The following TRIM6 variants were observed in gnomAD, a reference collection of about 807,000 sequenced individuals.
TRIM6 encodes the protein tripartite motif containing 6.
Under a neutral mutation model 51.2 loss-of-function variants are expected in TRIM6, and 43 were observed. The observed-to-expected ratio is 0.84, with a 90% confidence interval of 0.66 to 1.08. TRIM6 has a LOEUF of 1.08. TRIM6 is among the 50% of genes least tolerant of loss of function. The pLI is 0.00. For missense variants in TRIM6, 669 were observed against 619.0 expected, an observed-to-expected ratio of 1.08 and a Z score of -0.86; for synonymous variants, 215 against 232.4, an observed-to-expected ratio of 0.93 and a Z score of 0.68.
rs770939004 is a variant in TRIM6 at position 5,611,032 on chromosome 11, C to T, written c.1241C>T (p.Ala414Val). Reference protein sequence around the residue: ...LGPTFSFNHFAQNHSAYSRYQ... With the variant: ...LGPTFSFNHFVQNHSAYSRYQ... ...CCTACATTCTCTTTCAACCATTTTG[C>T]TCAAAATCACAGTGCTTACTCCAGG... The change falls in exon 8 of 8, where the codon GCT (alanine) becomes GTT (valine). Residue 414 changes from alanine (A) to valine (V), a missense_variant. By Grantham distance (64) the Ala-to-Val change is moderately conservative. Coordinates refer to ENST00000380097, the MANE Select transcript of TRIM6 (RefSeq NM_001003818.3). The T allele has an allele frequency of 8.4e-5, 135 of 1,614,074 alleles. No homozygotes were observed. The highest frequency in any genetic ancestry group is 1.1e-4 in the Non-Finnish European group (130 of 1,180,048).
intron 5 of TRIM6, among the ~76,000 whole-genome samples, 162 bp downstream of exon 5, chr11:5,608,556 T>G (rs1252849874): frequency 2.0e-5 from 3 of 152,068 alleles, no homozygotes; most frequent in Non-Finnish European, 2.9e-5. Flanking sequence ...ATAAAGGGGA[T>G]GAACTGGCCT....
At chr11:5,609,181 A>T (rs930243625) in intron 5 of TRIM6, among the ~76,000 whole-genome samples, 1 of 152,084 alleles carries the variant, frequency 6.6e-6, no homozygotes, top group Non-Finnish European at 1.5e-5. Flanking sequence ...TGACATGTCA[A>T]GCTGCTTGCA....
rs745366787 is a variant in TRIM6, at chr11:5,603,610, C to A, written c.382C>A (p.His128Asn). The part of the protein sequence containing the change: ...KQLKAVLCAD[H>N]GEKLQLFCQE... ...GCTGAAAGCAGTTCTTTGTGCAGAC[C>A]ATGGAGAAAAACTGCAGCTCTTCTG... is the stretch of plus-strand genomic sequence containing the variant. The change falls in exon 2 of 8, where the codon CAT (histidine) becomes AAT (asparagine). Residue 128 changes from histidine (H) to asparagine (N), a missense_variant. By Grantham distance (68) the His-to-Asn change is moderately conservative. Coordinates refer to ENST00000380097, the MANE Select transcript of TRIM6 (RefSeq NM_001003818.3). The A allele has an allele frequency of 1.9e-6, 3 of 1,613,498 alleles. No homozygotes were observed.
In TRIM6 at chr11:5,610,211, C is replaced by A; in HGVS notation, c.924C>A (p.Ala308=). The change falls in exon 6 of 8, where the codon GCC becomes GCA. Residue 308 remains alanine (A), a synonymous_variant. Coordinates refer to ENST00000380097, the MANE Select transcript of TRIM6 (RefSeq NM_001003818.3). ...LPTKLRSMFR[A]PDLKRMLRVC... ...CAAAGCTGAGAAGTATGTTCCGAGC[C>A]CCAGATCTGAAAAGGATGCTGCGAG... is the stretch of plus-strand genomic sequence containing the variant. 6.2e-7 allele frequency: 1 copy of A among 1,613,962 alleles called. No individual in the cohort carries two copies. Among genetic ancestry groups the A allele is most frequent in the South Asian group, 1.1e-5 (1 of 91,074 alleles).
chr11:5,609,954 T>G (rs868812571), intron 5 of TRIM6, among the ~76,000 whole-genome samples, 191 bp from the exon 6 acceptor site: 1 of 152,122 alleles, frequency 6.6e-6, no homozygotes, highest in Non-Finnish European at 1.5e-5. Context: ...CACAAGTTTA[T>G]GTAGATGGTG....
chr11:5,609,197 G>C (rs1461030716), intron 5 of TRIM6, among the ~76,000 whole-genome samples: 2 of 152,012 alleles, frequency 1.3e-5, no homozygotes, highest in South Asian at 4.1e-4. Flanking sequence ...TTGCACACTT[G>C]GTTCCTCCAT....
chr11:5,603,142 T>C (rs752511186), intron 1 of TRIM6, 104 bp from the exon 2 acceptor site: 33 of 1,507,430 alleles, frequency 2.2e-5, no homozygotes, highest in Non-Finnish European at 2.9e-5. Flanking sequence ...AAGCCCTTGT[T>C]ACCCCAGGTG....
Position 5,608,357 on chromosome 11 carries a change from C to CT in TRIM6, c.835-10dup. On this transcript the variant is annotated splice_polypyrimidine_tract_variant and intron_variant, in intron 4 of 7. Transcript: ENST00000380097. ...CCTGTTACTCCTTGACTTAACCTGTCTTTTTCCTTCCTAGGATGTGAGTGA... is the reference window on the plus strand; with the variant it reads ...CCTGTTACTCCTTGACTTAACCTGTCTTTTTTCCTTCCTAGGATGTGAGTGA... 6.2e-7 allele frequency: 1 copy of CT among 1,613,288 alleles called. No individual in the cohort carries two copies. The highest frequency in any genetic ancestry group is 1.1e-5 in the South Asian group (1 of 91,008).
chr11:5,599,904 C>G (rs575369091), intron 1 of TRIM6, among the ~76,000 whole-genome samples: 25 of 152,184 alleles, frequency 1.6e-4, no homozygotes, highest in Non-Finnish European at 3.7e-4. Flanking sequence ...TCTATTGCCT[C>G]TAGAGCCTCT....
intron 1 of TRIM6, among the ~76,000 whole-genome samples, chr11:5,602,325 C>T (rs1043480395): frequency 6.6e-6 from 1 of 152,066 alleles, no homozygotes; most frequent in African/African-American, 2.4e-5. Context: ...CACCTGTAAT[C>T]CCAGCTACTC....
chr11:5,601,876 G>C (rs1847879087), intron 1 of TRIM6, among the ~76,000 whole-genome samples: 1 of 152,142 alleles, frequency 6.6e-6, no homozygotes, highest in African/African-American at 2.4e-5. Context: ...TTAAGAAGTG[G>C]AAGTGTTTTC....
At position 5,602,323 on chromosome 11, in the gene TRIM6, A is replaced by G. The variant is rs995786067; in HGVS notation, c.18-923A>G. Among the ~76,000 whole-genome samples the G allele has an allele frequency of 2.5e-4, 38 of 152,130 alleles. No individual in the cohort carries two copies. In the East Asian group the frequency reaches 6.6e-3, roughly 26 times the overall value. On this transcript the variant is annotated intron_variant, in intron 1 of 7. Coordinates refer to ENST00000380097, the MANE Select transcript of TRIM6 (RefSeq NM_001003818.3). ...CCGGACATAGTGGCAGGCACCTGTA[A>G]TCCCAGCTACTCGGGAGGCTGAGGC...
At chr11:5,609,768 AG>A (rs1163276746) in intron 5 of TRIM6, among the ~76,000 whole-genome samples, 1 of 152,064 alleles carries the variant, frequency 6.6e-6, no homozygotes, top group Non-Finnish European at 1.5e-5. Flanking sequence ...TAAATATACA[AG>A]AAAATTAGCC....
chr11:5,611,002 T>G lies in TRIM6; in HGVS notation c.1211T>G (p.Leu404Arg). The change falls in exon 8 of 8, where the codon CTG (leucine) becomes CGG (arginine). Residue 404 changes from leucine to arginine, a missense_variant. Leu to Arg is a moderately radical substitution (Grantham distance 102). Coordinates refer to ENST00000380097, the MANE Select transcript of TRIM6 (RefSeq NM_001003818.3). Reference sequence around the variant, plus strand: ...ATCCTGGGGGTATGCAGCAATTCACTGGGACCTACATTCTCTTTCAACCAT... The same window carrying G: ...ATCCTGGGGGTATGCAGCAATTCACGGGGACCTACATTCTCTTTCAACCAT... ...AWILGVCSNS[L>R]GPTFSFNHFA... 1 of 1,614,170 alleles carries G rather than the reference T, an allele frequency of 6.2e-7. No individual in the cohort carries two copies. Among genetic ancestry groups the G allele is most frequent in the Non-Finnish European group, 8.5e-7 (1 of 1,180,040 alleles).
chr11:5,610,681 T>A (rs1188926138), intron 7 of TRIM6, 96 bp from the exon 8 acceptor site: 2 of 1,569,376 alleles, frequency 1.3e-6, no homozygotes, highest in Non-Finnish European at 1.7e-6. Flanking sequence ...GCCATATAGT[T>A]CCAGTTCCTC....
Position 5,596,749 on chromosome 11 carries a change from G to T in TRIM6, c.-149G>T. On this transcript the variant is annotated 5_prime_UTR_variant, in exon 1 of 8. Coordinates refer to ENST00000380097, the MANE Select transcript of TRIM6 (RefSeq NM_001003818.3). ...CCTGCCTTTCTCGGAACGGAACGGA[G>T]CAGAGTCGTGCGTGGTTGAGTTTAG... The T allele has an allele frequency of 8.1e-7, 1 of 1,241,244 alleles. No individual in the cohort carries two copies. Among genetic ancestry groups the T allele is most frequent in the Non-Finnish European group, 1.2e-6 (1 of 859,914 alleles). The allele number at this position is 1,241,244 out of a possible 1,614,324, so 76.9% of individuals were successfully genotyped here.
chr11:5,607,019 C>A (rs1025999534), intron 4 of TRIM6, among the ~76,000 whole-genome samples: 1 of 150,582 alleles, frequency 6.6e-6, no homozygotes, highest in African/African-American at 2.4e-5. Flanking sequence ...CTGGCTAACA[C>A]GGTGAAACCC....
chr11:5,605,625 C>A, intron 4 of TRIM6, 58 bp downstream of exon 4: 1 of 1,532,986 alleles, frequency 6.5e-7, no homozygotes. Context: ...ACTAACTTTC[C>A]TTCCTTTCTG....
intron 6 of TRIM6, 89 bp downstream of exon 6, chr11:5,610,334 C>A: frequency 6.3e-7 from 1 of 1,591,084 alleles, no homozygotes; most frequent in Non-Finnish European, 8.6e-7. Context: ...GGTATTTGAG[C>A]ATAGTGGCAA....
Sources: gnomAD v4.1 joint callset for allele counts (sites outside exome capture counted in the v4.1 genomes callset) on GRCh38, gnomAD v4.1.1 for gene constraint, MANE v1.5 for transcripts, NCBI Gene and HGNC (gene_info 2026-07-23, HGNC 2026-07-21) for gene names.